The following DRAXIN variants were observed in gnomAD, a reference collection of about 807,000 sequenced individuals.
The protein encoded by DRAXIN is dorsal repulsive axon guidance protein.
A neutral mutation model predicts 33.9 loss-of-function variants in DRAXIN; 27 were observed. The observed-to-expected ratio is 0.80, with a 90% confidence interval of 0.59 to 1.10. The LOEUF (loss-of-function observed/expected upper bound fraction) is 1.10, where lower values mean the gene tolerates loss of function less well. Among genes scored for constraint, DRAXIN ranks in the 50% least tolerant of loss-of-function variants. The probability of loss-of-function intolerance (pLI) is 0.00; values close to 1 mark genes in which losing one functional copy is unlikely to be tolerated. For synonymous variants in DRAXIN, 178 were observed against 194.0 expected (o/e 0.92, Z 0.69); for missense variants, 371 against 460.8 (o/e 0.81, Z 1.78).
chr1:11,689,070 C>T (rs983617899), upstream of DRAXIN, among the ~76,000 whole-genome samples: 1 of 152,066 alleles, frequency 6.6e-6, no homozygotes, highest in South Asian at 2.1e-4. Context: ...CCAAGGCAGG[C>T]AGATTGCCTG....
intron 1 of DRAXIN, among the ~76,000 whole-genome samples, chr1:11,698,841 C>G (rs762546909): frequency 1.3e-5 from 2 of 152,168 alleles, no homozygotes; most frequent in Non-Finnish European, 2.9e-5. Context: ...TAGGGCAGAG[C>G]AAGACTCTGT....
intron 1 of DRAXIN, among the ~76,000 whole-genome samples, chr1:11,697,220 T>C (rs746888798): frequency 6.6e-6 from 1 of 152,112 alleles, no homozygotes; most frequent in Non-Finnish European, 1.5e-5. Flanking sequence ...CTGACATCTG[T>C]GAGCTGGAAT....
chr1:11,719,872 G>A lies in DRAXIN; in HGVS notation c.*176G>A, dbSNP rs1479214571. On this transcript the variant is annotated 3_prime_UTR_variant, in exon 7 of 7. Coordinates refer to ENST00000294485, the MANE Select transcript of DRAXIN (RefSeq NM_198545.4). ...GGCGAATGAGCTGGGTGGGTGCCCA[G>A]GAGCCGGCCCGCAGCACCTGCACAC... 1.8e-5 allele frequency: 11 copies of A among 616,644 alleles called. No individual in the cohort carries two copies. The highest frequency in any genetic ancestry group is 3.2e-5 in the Non-Finnish European group (11 of 345,890). The allele number at this position is 616,644 out of a possible 1,614,324, so 38.2% of individuals were successfully genotyped here. A position where few individuals can be genotyped will look rare whatever the true frequency, so the allele number is the denominator to read the frequency against.
In DRAXIN at chr1:11,705,749, G is replaced by A. The variant is rs6657454; in HGVS notation, c.-10-500G>A. ...CATGAATTCACACAAAGCACTTAAC[G>A]TGGGTCCTGCCTACAGCGTGCGCTC... On this transcript the variant is annotated intron_variant, in intron 1 of 6. Transcript: ENST00000294485. The surrounding 1 kb of genome is among the most constrained non-coding windows in gnomAD (Gnocchi z 4.8). Among the ~76,000 whole-genome samples, 9,340 of 152,206 alleles carry A rather than the reference G, an allele frequency of 0.061. 346 individuals are homozygous for A. Among genetic ancestry groups the A allele is most frequent in the African/African-American group, 0.11 (4,472 of 41,488 alleles).
At position 11,692,314 on chromosome 1, in the gene DRAXIN, T is replaced by A. The variant is rs1162335088; in HGVS notation, c.-11+461T>A. On this transcript the variant is annotated intron_variant, in intron 1 of 6. Coordinates refer to ENST00000294485, the MANE Select transcript of DRAXIN (RefSeq NM_198545.4). This position sits in a 1 kb window ranked among gnomAD's most constrained non-coding sequence, Gnocchi z 5.8. ...ACCGTTGGAAGAAGTCTTCGAAGAC[T>A]CCCTGAGCCCCGGGCAGAGCTGGCG... Among the ~76,000 whole-genome samples the A allele has an allele frequency of 6.6e-6, 1 of 152,050 alleles. No individual in the cohort carries two copies. Among genetic ancestry groups the A allele is most frequent in the African/African-American group, 2.4e-5 (1 of 41,394 alleles).
chr1:11,719,635 A>G lies in DRAXIN; in HGVS notation c.989A>G (p.Lys330Arg). 6.2e-7 allele frequency: 1 copy of G among 1,614,122 alleles called. No individual in the cohort carries two copies. The highest frequency in any genetic ancestry group is 8.5e-7 in the Non-Finnish European group (1 of 1,180,012). ...FHRNRRVTRR[K>R]GRCVEPETAN... Reference sequence around the variant, plus strand: ...CGGAACCGCAGGGTTACACGGAGGAAAGGGCGCTGTGTGGAGCCCGAGACG... The same window carrying G: ...CGGAACCGCAGGGTTACACGGAGGAGAGGGCGCTGTGTGGAGCCCGAGACG... Residue 330 changes from lysine to arginine, a missense_variant, in exon 7 of 7, where the codon AAA (lysine) becomes AGA (arginine). Lys to Arg is a conservative substitution (Grantham distance 26). Transcript: ENST00000294485.
rs1553171600 is a variant in DRAXIN at position 11,720,613 on chromosome 1, A to AAAAAAAAAAAAG, written c.*917_*918insAAAAAAAAAAAG. The AAAAAAAAAAAAG allele has an allele frequency of 1.5e-5, 2 of 137,010 alleles. 1 individual carries two copies. The allele number at this position is 137,010 out of a possible 1,614,324, so 8.5% of individuals were successfully genotyped here. A position where few individuals can be genotyped will look rare whatever the true frequency, so the allele number is the denominator to read the frequency against. On this transcript the variant is annotated 3_prime_UTR_variant, in exon 7 of 7. Coordinates refer to ENST00000294485, the MANE Select transcript of DRAXIN (RefSeq NM_198545.4). ...CATCTCAAAAAAAAAAAAAAAAAAA[A>AAAAAAAAAAAAG]GCACATCTGACTCAGTGGGCTCTGT...
chr1:11,695,164 A>G (rs967257897), intron 1 of DRAXIN, among the ~76,000 whole-genome samples: 3 of 152,164 alleles, frequency 2.0e-5, no homozygotes, highest in African/African-American at 7.2e-5. Context: ...GAGGAGTCAG[A>G]TGGCTGTGGG....
Position 11,712,571 on chromosome 1 carries a change from C to T in DRAXIN, c.847+142C>T, listed in dbSNP as rs541667519. 1.0e-3 allele frequency: 830 copies of T among 801,798 alleles called. 20 individuals are homozygous for T. The highest frequency in any genetic ancestry group is 9.0e-3 in the South Asian group (567 of 63,166). The allele number at this position is 801,798 out of a possible 1,614,324, so 49.7% of individuals were successfully genotyped here. On this transcript the variant is annotated intron_variant, in intron 5 of 6. Transcript: ENST00000294485. ...AAATAATAACAACAGCTGCCACTTT[C>T]CTGAGAGTTGCTGTCAGACATCCAT...
Position 11,719,880 on chromosome 1 carries a change from C to G in DRAXIN, c.*184C>G, listed in dbSNP as rs1011144630. On this transcript the variant is annotated 3_prime_UTR_variant, in exon 7 of 7. Coordinates refer to ENST00000294485, the MANE Select transcript of DRAXIN (RefSeq NM_198545.4). The stretch of plus-strand genomic sequence containing the variant: ...AGCTGGGTGGGTGCCCAGGAGCCGG[C>G]CCGCAGCACCTGCACACACGAAGTC... 37 of 596,636 alleles carry G rather than the reference C, an allele frequency of 6.2e-5. No individual in the cohort carries two copies. In the African/African-American group the frequency reaches 6.9e-4, roughly 11 times the overall value. The allele number at this position is 596,636 out of a possible 1,614,324, so 37.0% of individuals were successfully genotyped here.
Position 11,719,925 on chromosome 1 carries a change from T to G in DRAXIN, c.*229T>G. 1 of 519,882 alleles carries G rather than the reference T, an allele frequency of 1.9e-6. No homozygotes were observed. The highest frequency in any genetic ancestry group is 3.5e-6 in the Non-Finnish European group (1 of 283,440). 32.2% of individuals were successfully genotyped at this position (519,882 alleles called of 1,614,324 possible). ...GAAGTCCGGACCCACGCAGCCTCCA[T>G]CCCGCGTGTCTTGCTCTCCGCGATG... is the stretch of plus-strand genomic sequence containing the variant. On this transcript the variant is annotated 3_prime_UTR_variant, in exon 7 of 7. Transcript: ENST00000294485.
rs1321232170 is a variant in DRAXIN at position 11,692,107 on chromosome 1, C to G, written c.-11+254C>G. 6.6e-6 allele frequency among the ~76,000 whole-genome samples: 1 copy of G among 152,178 alleles called. No individual in the cohort carries two copies. Among genetic ancestry groups the G allele is most frequent in the Non-Finnish European group, 1.5e-5 (1 of 68,026 alleles). On this transcript the variant is annotated intron_variant, in intron 1 of 6. Coordinates refer to ENST00000294485, the MANE Select transcript of DRAXIN (RefSeq NM_198545.4). This position sits in a 1 kb window ranked among gnomAD's most constrained non-coding sequence, Gnocchi z 5.8. ...GGGCTCCCCATCCGTCCACCTACCGCTGGACGCCCACTTTTCCACGCTCTG... is the reference window on the plus strand; with the variant it reads ...GGGCTCCCCATCCGTCCACCTACCGGTGGACGCCCACTTTTCCACGCTCTG...
intron 2 of DRAXIN, among the ~76,000 whole-genome samples, chr1:11,708,436 C>T (rs1641424775): frequency 6.6e-6 from 1 of 152,182 alleles, no homozygotes; most frequent in Non-Finnish European, 1.5e-5. Context: ...TATGGAGAAA[C>T]CCCATCTCTA....
intron 5 of DRAXIN, among the ~76,000 whole-genome samples, chr1:11,713,424 G>A (rs1267967885): frequency 1.3e-5 from 2 of 152,128 alleles, no homozygotes; most frequent in Admixed American, 6.6e-5. Flanking sequence ...TTGTCCCATC[G>A]CAACACTGCC....
rs1641367276 is a variant in DRAXIN at position 11,705,748 on chromosome 1, C to T, written c.-10-501C>T. On this transcript the variant is annotated intron_variant, in intron 1 of 6. Coordinates refer to ENST00000294485, the MANE Select transcript of DRAXIN (RefSeq NM_198545.4). The surrounding 1 kb of genome is among the most constrained non-coding windows in gnomAD (Gnocchi z 4.8). ...ACATGAATTCACACAAAGCACTTAA[C>T]GTGGGTCCTGCCTACAGCGTGCGCT... Among the ~76,000 whole-genome samples the T allele has an allele frequency of 6.6e-6, 1 of 152,168 alleles. No individual in the cohort carries two copies. Among genetic ancestry groups the T allele is most frequent in the Non-Finnish European group, 1.5e-5 (1 of 68,034 alleles).
intron 1 of DRAXIN, among the ~76,000 whole-genome samples, chr1:11,697,515 C>T (rs566675983): frequency 6.6e-6 from 1 of 152,332 alleles, no homozygotes; most frequent in Middle Eastern, 3.4e-3. Context: ...CAGCCATGGG[C>T]TAGGTCCCCT....
intron 1 of DRAXIN, among the ~76,000 whole-genome samples, chr1:11,698,684 A>T (rs1042824540): frequency 6.6e-6 from 1 of 152,194 alleles, no homozygotes; most frequent in Non-Finnish European, 1.5e-5. Context: ...GAGAGACCTC[A>T]TCTCAACTAA....
Position 11,711,871 on chromosome 1 carries a change from C to T in DRAXIN, c.663C>T (p.Asp221=), listed in dbSNP as rs763504108. The change falls in exon 4 of 7, where the codon GAC becomes GAT. Residue 221 remains aspartate (D), a synonymous_variant. Transcript: ENST00000294485. ...LRPQQAQPRS[D]GEVMPTLDMA... Reference sequence around the variant, plus strand: ...TCCAGCAGGCACAGCCCAGGTCTGACGGGGAGGTGATGCCCACGCTGGACA... The same window carrying T: ...TCCAGCAGGCACAGCCCAGGTCTGATGGGGAGGTGATGCCCACGCTGGACA... 12 of 1,613,314 alleles carry T rather than the reference C, an allele frequency of 7.4e-6. No individual in the cohort carries two copies. Among genetic ancestry groups the T allele is most frequent in the South Asian group, 5.5e-5 (5 of 90,846 alleles).
In DRAXIN at chr1:11,723,321, G is replaced by A. The variant is rs1039647115; in HGVS notation, c.*3625G>A. The A allele has an allele frequency of 6.6e-6, 1 of 152,128 alleles. No individual in the cohort carries two copies. Among genetic ancestry groups the A allele is most frequent in the Non-Finnish European group, 1.5e-5 (1 of 68,024 alleles). The allele number at this position is 152,128 out of a possible 1,614,324, so 9.4% of individuals were successfully genotyped here. A position where few individuals can be genotyped will look rare whatever the true frequency, so the allele number is the denominator to read the frequency against. On this transcript the variant is annotated 3_prime_UTR_variant, in exon 7 of 7. Coordinates refer to ENST00000294485, the MANE Select transcript of DRAXIN (RefSeq NM_198545.4). ...ATCCAGGAACATTCACAGGCCTGGG[G>A]CCCACCCACAAAGCTTCTGTTTTGT...
Sources: allele counts gnomAD v4.1 joint callset (sites outside exome capture counted in the v4.1 genomes callset), GRCh38; gene constraint gnomAD v4.1.1; non-coding constraint Gnocchi (gnomAD v3.1); transcripts MANE v1.5; gene names NCBI Gene and HGNC (gene_info 2026-07-23, HGNC 2026-07-21).